ADAM12: variants seen among roughly 807,000 people sequenced by gnomAD.
ADAM12 encodes the protein disintegrin and metalloproteinase domain-containing protein 12.
In ADAM12, 70 loss-of-function variants were observed where a neutral mutation model predicts 106.4. The ratio of observed to expected loss-of-function variants is 0.66; its 90% CI spans 0.54 to 0.80. The LOEUF (loss-of-function observed/expected upper bound fraction) is 0.80. Ranked by LOEUF, ADAM12 falls within the 30% of genes least tolerant of loss-of-function variation. The pLI is 0.00. For synonymous variants in ADAM12, 420 were observed against 433.5 expected (o/e 0.97, Z 0.39); for missense variants, 1,010 against 1,171.9 (o/e 0.86, Z 2.02).
intron 5 of ADAM12, among the ~76,000 whole-genome samples, chr10:126,128,720 G>A (rs1565079898): frequency 6.8e-6 from 1 of 146,996 alleles, no homozygotes; most frequent in Non-Finnish European, 1.5e-5. Flanking sequence ...GTGGGCGCCT[G>A]TGCGAGTGTG....
At chr10:126,357,518 C>G (rs1855584295) in intron 1 of ADAM12, among the ~76,000 whole-genome samples, 1 of 152,114 alleles carries the variant, frequency 6.6e-6, no homozygotes, top group Non-Finnish European at 1.5e-5. Context: ...TGTATTAGTC[C>G]ATTCTCATGC....
intron 2 of ADAM12, among the ~76,000 whole-genome samples, chr10:126,303,116 C>T (rs1371567715): frequency 6.6e-6 from 1 of 152,172 alleles, no homozygotes; most frequent in Non-Finnish European, 1.5e-5. Flanking sequence ...AACATTTTTA[C>T]CTACTTGAAA....
At chr10:126,197,252 A>G (rs926393360) in intron 3 of ADAM12, among the ~76,000 whole-genome samples, 1 of 152,208 alleles carries the variant, frequency 6.6e-6, no homozygotes, top group African/African-American at 2.4e-5. Flanking sequence ...GGGAGTGACA[A>G]GGCATCTTTT....
intron 5 of ADAM12, among the ~76,000 whole-genome samples, chr10:126,130,386 T>C (rs1173321490): frequency 6.6e-6 from 1 of 152,116 alleles, no homozygotes; most frequent in Non-Finnish European, 1.5e-5. Flanking sequence ...GAAGTCAAAA[T>C]TCTCAGAAGC....
At chr10:126,270,328 CT>C (rs1457042079) in intron 3 of ADAM12, among the ~76,000 whole-genome samples, 19 of 152,118 alleles carry the variant, frequency 1.2e-4, no homozygotes, top group Admixed American at 1.2e-3. Context: ...AAGAACATTC[CT>C]GTGGGCGATG....
chr10:126,299,917 T>A (rs1261821181), intron 2 of ADAM12, among the ~76,000 whole-genome samples: 3 of 152,216 alleles, frequency 2.0e-5, no homozygotes, highest in African/African-American at 7.2e-5. Flanking sequence ...GTGCTGGGAT[T>A]ACAGGGGTGA....
chr10:126,137,573 T>G (rs1299835987), intron 4 of ADAM12, among the ~76,000 whole-genome samples: 1 of 152,228 alleles, frequency 6.6e-6, no homozygotes, highest in African/African-American at 2.4e-5. Flanking sequence ...CTGGCAACCA[T>G]TAACCTGCTT....
chr10:126,245,006 GGGGA>G (rs1207963123), intron 3 of ADAM12, among the ~76,000 whole-genome samples: 6 of 152,200 alleles, frequency 3.9e-5, no homozygotes, highest in Admixed American at 3.3e-4. Flanking sequence ...TACATGATCA[GGGGA>G]GGGGCTTGCA....
intron 4 of ADAM12, among the ~76,000 whole-genome samples, chr10:126,138,024 C>T (rs555027872): frequency 2.6e-5 from 4 of 152,304 alleles, no homozygotes; most frequent in East Asian, 1.9e-4. Flanking sequence ...GAGCATTACA[C>T]GAGGGCTCTA....
chr10:126,108,779 A>C, intron 7 of ADAM12, 115 bp from the exon 8 acceptor site: 1 of 893,274 alleles, frequency 1.1e-6, no homozygotes. Context: ...GGGACCCTCC[A>C]CAGTTCACGG....
intron 3 of ADAM12, among the ~76,000 whole-genome samples, chr10:126,243,484 A>AGT (rs1233057795): frequency 7.3e-6 from 1 of 137,254 alleles, no homozygotes; most frequent in Non-Finnish European, 1.7e-5. Flanking sequence ...TGTGTGTGTG[A>AGT]GTGTATGTGT....
chr10:126,145,352 G>C (rs1956606152), intron 4 of ADAM12: 1 of 152,356 alleles, frequency 6.6e-6, no homozygotes, highest in South Asian at 2.1e-4. Flanking sequence ...GTAAATGAAT[G>C]CTACCCGCTT....
At chr10:126,203,143 C>A (rs955401613) in intron 3 of ADAM12, among the ~76,000 whole-genome samples, 1 of 152,062 alleles carries the variant, frequency 6.6e-6, no homozygotes, top group African/African-American at 2.4e-5. Flanking sequence ...TCAGTAAAAA[C>A]CACAAAAAAC....
Position 126,122,739 on chromosome 10 carries a change from G to A in ADAM12, c.417-4515C>T, listed in dbSNP as rs187862844. ...TGTGCCACTGTACTCCAGCCTGGGTGACAGAACGAGAGTCCCTCTCAAAAA... is the reference window on the plus strand; with the variant it reads ...TGTGCCACTGTACTCCAGCCTGGGTAACAGAACGAGAGTCCCTCTCAAAAA... On this transcript the variant is annotated intron_variant, in intron 5 of 22. Transcript: ENST00000448723. Among the ~76,000 whole-genome samples, 67 of 152,278 alleles carry A rather than the reference G, an allele frequency of 4.4e-4. 1 individual carries two copies. In the East Asian group the frequency reaches 9.9e-3, roughly 22 times the overall value.
intron 14 of ADAM12, among the ~76,000 whole-genome samples, chr10:126,061,663 G>T (rs2133471229): frequency 6.6e-6 from 1 of 152,276 alleles, no homozygotes; most frequent in African/African-American, 2.4e-5. Context: ...GTCGGAGAGG[G>T]ACAGAGACTT....
At chr10:126,308,852 T>C (rs1960959359) in intron 2 of ADAM12, among the ~76,000 whole-genome samples, 1 of 152,198 alleles carries the variant, frequency 6.6e-6, no homozygotes, top group Non-Finnish European at 1.5e-5. Flanking sequence ...TCGTATCCAT[T>C]GTTGAAGGTC....
chr10:126,036,046 A>T (rs182165107), intron 21 of ADAM12, 100 bp downstream of exon 21: 278 of 1,060,646 alleles, frequency 2.6e-4, no homozygotes, highest in Non-Finnish European at 3.2e-4. Context: ...CATTTTACAG[A>T]GGCACCGAGA....
chr10:126,173,814 C>T (rs1957165798), intron 3 of ADAM12, among the ~76,000 whole-genome samples: 1 of 151,914 alleles, frequency 6.6e-6, no homozygotes, highest in Non-Finnish European at 1.5e-5. Context: ...GGTCTGGGAC[C>T]TTGGTGTCAG....
intron 4 of ADAM12, among the ~76,000 whole-genome samples, chr10:126,151,412 T>C (rs1360978078): frequency 1.3e-5 from 2 of 152,190 alleles, no homozygotes; most frequent in Non-Finnish European, 2.9e-5. Context: ...TAAATTACCT[T>C]AGTAGATATA....
Sources: gnomAD v4.1 joint callset for allele counts (sites outside exome capture counted in the v4.1 genomes callset) on GRCh38, gnomAD v4.1.1 for gene constraint, MANE v1.5 for transcripts, NCBI Gene and HGNC (gene_info 2026-07-23, HGNC 2026-07-21) for gene names.